LHFPL6: variants seen among roughly 807,000 people sequenced by gnomAD.
LHFPL6 encodes the protein LHFPL tetraspan subfamily member 6.
Under a neutral mutation model 20.6 loss-of-function variants are expected in LHFPL6, and 9 were observed. That is an observed-to-expected ratio of 0.44 (90% CI 0.26 to 0.76). The LOEUF is 0.76. Among genes scored for constraint, LHFPL6 ranks in the 30% least tolerant of loss-of-function variants. The pLI is 0.20. For synonymous variants in LHFPL6, 105 were observed against 98.7 expected (o/e 1.06, Z -0.38); for missense variants, 218 against 253.5 (o/e 0.86, Z 0.95).
At chr13:39,431,717 T>TCG (rs796181082) in intron 2 of LHFPL6, among the ~76,000 whole-genome samples, 3 of 95,992 alleles carry the variant, frequency 3.1e-5, no homozygotes, top group Non-Finnish European at 4.2e-5. Flanking sequence ...GTAGAATTTG[T>TCG]GGGGGGGGGG....
intron 2 of LHFPL6, among the ~76,000 whole-genome samples, chr13:39,403,209 C>A (rs1197810922): frequency 6.6e-6 from 1 of 152,186 alleles, no homozygotes; most frequent in East Asian, 1.9e-4. Context: ...CAATTCAAGT[C>A]ATTCACAGAG....
At chr13:39,566,207 G>C (rs1871710404) in intron 2 of LHFPL6, among the ~76,000 whole-genome samples, 1 of 152,178 alleles carries the variant, frequency 6.6e-6, no homozygotes, top group Non-Finnish European at 1.5e-5. Flanking sequence ...CCCTCATTAA[G>C]AAGTTGGAAA....
chr13:39,406,926 G>C (rs1871125227), intron 2 of LHFPL6, among the ~76,000 whole-genome samples: 1 of 152,194 alleles, frequency 6.6e-6, no homozygotes, highest in Non-Finnish European at 1.5e-5. Flanking sequence ...GAGATTGCAA[G>C]AGATCCAAGG....
At chr13:39,495,326 C>T (rs1869062214) in intron 2 of LHFPL6, among the ~76,000 whole-genome samples, 1 of 152,210 alleles carries the variant, frequency 6.6e-6, no homozygotes, top group South Asian at 2.1e-4. Context: ...TAGCCTCTCT[C>T]ACGCTGACCG....
At chr13:39,592,707 G>A (rs1320498553) in intron 2 of LHFPL6, among the ~76,000 whole-genome samples, 1 of 152,146 alleles carries the variant, frequency 6.6e-6, no homozygotes, top group Non-Finnish European at 1.5e-5. Context: ...GATGAACATA[G>A]ATGCAAAATT....
chr13:39,382,943 A>C (rs1026520345), intron 2 of LHFPL6, among the ~76,000 whole-genome samples: 11 of 152,182 alleles, frequency 7.2e-5, no homozygotes, highest in African/African-American at 2.7e-4. Context: ...ATTTCTGGGA[A>C]AAAAATGTAC....
intron 3 of LHFPL6, among the ~76,000 whole-genome samples, chr13:39,371,436 T>G (rs568834238): frequency 6.6e-6 from 1 of 152,338 alleles, no homozygotes; most frequent in South Asian, 2.1e-4. Context: ...AAAGGAAGAA[T>G]AAAGATTGAT....
chr13:39,568,196 T>A (rs1176042688), intron 2 of LHFPL6, among the ~76,000 whole-genome samples: 2 of 152,118 alleles, frequency 1.3e-5, no homozygotes, highest in Non-Finnish European at 2.9e-5. Flanking sequence ...TGTATTTTCA[T>A]AGTCTTTGTA....
chr13:39,361,527 A>G (rs1869869009), intron 3 of LHFPL6, among the ~76,000 whole-genome samples: 1 of 152,164 alleles, frequency 6.6e-6, no homozygotes, highest in African/African-American at 2.4e-5. Context: ...CATGTTGGCC[A>G]GGATGGTCTC....
At chr13:39,559,207 G>T (rs893637814) in intron 2 of LHFPL6, among the ~76,000 whole-genome samples, 3 of 152,172 alleles carry the variant, frequency 2.0e-5, no homozygotes, top group Non-Finnish European at 4.4e-5. Flanking sequence ...CCAGGGACAG[G>T]TAGAGATGTC....
chr13:39,592,045 G>A (rs1259864749), intron 2 of LHFPL6, among the ~76,000 whole-genome samples: 2 of 149,392 alleles, frequency 1.3e-5, no homozygotes, highest in African/African-American at 4.9e-5. Context: ...GCAGTGAGCC[G>A]AGATCACACC....
intron 2 of LHFPL6, among the ~76,000 whole-genome samples, chr13:39,499,849 C>T (rs1425211429): frequency 6.6e-6 from 1 of 152,194 alleles, no homozygotes; most frequent in African/African-American, 2.4e-5. Flanking sequence ...TTTGATCCAA[C>T]TACTTTGAAT....
chr13:39,445,929 A>G (rs1872275392), intron 2 of LHFPL6, among the ~76,000 whole-genome samples: 1 of 152,196 alleles, frequency 6.6e-6, no homozygotes. Context: ...GGTCTTCATA[A>G]TTAGCATCAC....
Position 39,578,383 on chromosome 13 carries a change from A to G in LHFPL6, c.385+22449T>C, listed in dbSNP as rs79031921. ...GTGCAACTAAAGTAGGAACAGATAT[A>G]AGAAAATCGTCTTTTGAAATTAACT... On this transcript the variant is annotated intron_variant, in intron 2 of 3. Transcript: ENST00000379589. Among the ~76,000 whole-genome samples the G allele has an allele frequency of 2.6e-3, 397 of 152,324 alleles. 2 individuals carry two copies. The highest frequency in any genetic ancestry group is 8.5e-3 in the African/African-American group (352 of 41,584).
At chr13:39,351,275 CT>C (rs1239028377) in intron 3 of LHFPL6, among the ~76,000 whole-genome samples, 3 of 152,160 alleles carry the variant, frequency 2.0e-5, no homozygotes, top group African/African-American at 7.2e-5. Flanking sequence ...GGGGTCTCTC[CT>C]TTAATCATTT....
At chr13:39,363,622 C>T (rs1283990359) in intron 3 of LHFPL6, among the ~76,000 whole-genome samples, 2 of 152,190 alleles carry the variant, frequency 1.3e-5, no homozygotes, top group African/African-American at 2.4e-5. Context: ...AGGACACCGA[C>T]AGGGCTTTCC....
At chr13:39,353,443 G>A (rs1443426994) in intron 3 of LHFPL6, among the ~76,000 whole-genome samples, 1 of 151,930 alleles carries the variant, frequency 6.6e-6, no homozygotes, top group Non-Finnish European at 1.5e-5. Context: ...AAGCTACTTT[G>A]CGGCCGGGCG....
In LHFPL6 at chr13:39,574,614, T is replaced by C. The variant is rs148406922; in HGVS notation, c.385+26218A>G. Among the ~76,000 whole-genome samples, 18 of 152,336 alleles carry C rather than the reference T, an allele frequency of 1.2e-4. No homozygotes were observed. The East Asian group carries it at 3.5e-3, about 29-fold the overall frequency. On this transcript the variant is annotated intron_variant, in intron 2 of 3. Transcript: ENST00000379589. ...CGATTTTTGCGTGTTAAAATCTTGT[T>C]CTCCTAGCTGCACTGCAGAGCAAGG...
At chr13:39,544,309 A>C (rs2138506499) in intron 2 of LHFPL6, among the ~76,000 whole-genome samples, 1 of 152,292 alleles carries the variant, frequency 6.6e-6, no homozygotes, top group South Asian at 2.1e-4. Context: ...AGTTCTAGAA[A>C]CTTCTCTGAA....
Sources: gnomAD v4.1 joint callset for allele counts (sites outside exome capture counted in the v4.1 genomes callset) on GRCh38, gnomAD v4.1.1 for gene constraint, MANE v1.5 for transcripts, NCBI Gene and HGNC (gene_info 2026-07-23, HGNC 2026-07-21) for gene names.